Variants in PRAG1 observed in about 807,000 individuals in gnomAD.
The protein encoded by PRAG1 is inactive tyrosine-protein kinase PRAG1.
A neutral mutation model predicts 95.6 loss-of-function variants in PRAG1; 110 were observed. That is an observed-to-expected ratio of 1.15 (90% CI 0.99 to 1.35). The LOEUF (loss-of-function observed/expected upper bound fraction) is 1.35. Among genes scored for constraint, PRAG1 ranks in the 40% most tolerant of loss-of-function variants. PRAG1 has a pLI of 0.00. For missense variants in PRAG1, 2,554 were observed against 1,864.7 expected (o/e 1.37, Z -6.81); for synonymous variants, 1,052 against 819.4 (o/e 1.28, Z -4.85).
At position 8,318,535 on chromosome 8, in the gene PRAG1, T is replaced by C. The variant is rs371137865; in HGVS notation, c.3840A>G (p.Arg1280=). 1 of 1,613,110 alleles carries C rather than the reference T, an allele frequency of 6.2e-7. No individual in the cohort carries two copies. Among genetic ancestry groups the C allele is most frequent in the Non-Finnish European group, 8.5e-7 (1 of 1,179,884 alleles). The change falls in exon 6 of 6, where the codon AGA becomes AGG. Residue 1280 remains arginine, a synonymous_variant. Coordinates refer to ENST00000615670, the MANE Select transcript of PRAG1 (RefSeq NM_001080826.3). The surrounding 1 kb of genome is among the most constrained non-coding windows in gnomAD (Gnocchi z 4.2). ...PFEVRAQLRE[R]DYRQEDLPPL... ...GCGGCAGGTCCTCCTGCCGGTAGTCTCTCTCCCGCAGCTGGGCGCGCACCT... is the reference window on the plus strand; with the variant it reads ...GCGGCAGGTCCTCCTGCCGGTAGTCCCTCTCCCGCAGCTGGGCGCGCACCT...
intron 3 of PRAG1, among the ~76,000 whole-genome samples, chr8:8,355,735 GA>G (rs1799660601): frequency 6.6e-6 from 1 of 151,880 alleles, no homozygotes; most frequent in South Asian, 2.1e-4. Context: ...GAAACAGAAT[GA>G]AACTGAACCC....
chr8:8,330,582 G>A (rs1798789239), intron 4 of PRAG1, among the ~76,000 whole-genome samples: 2 of 152,176 alleles, frequency 1.3e-5, no homozygotes, highest in Admixed American at 6.5e-5. Context: ...AAATCAAGCA[G>A]TGGTGGTGCA....
chr8:8,320,843 G>C (rs993885674), intron 5 of PRAG1, among the ~76,000 whole-genome samples: 6 of 152,174 alleles, frequency 3.9e-5, no homozygotes, highest in African/African-American at 1.4e-4. Flanking sequence ...TTATATTGCA[G>C]CTATGCAAAG....
At chr8:8,337,805 T>C (rs753622759) in intron 4 of PRAG1, among the ~76,000 whole-genome samples, 12 of 152,152 alleles carry the variant, frequency 7.9e-5, no homozygotes, top group Non-Finnish European at 5.9e-5. Context: ...AGCATTGAAC[T>C]CACAAACCTC....
At chr8:8,334,533 G>T (rs1477126606) in intron 4 of PRAG1, among the ~76,000 whole-genome samples, 3 of 151,686 alleles carry the variant, frequency 2.0e-5, no homozygotes, top group African/African-American at 7.3e-5. Context: ...TTTTACAACT[G>T]GATGGAAAAT....
intron 4 of PRAG1, among the ~76,000 whole-genome samples, chr8:8,336,156 G>T (rs1015504123): frequency 2.0e-5 from 3 of 152,186 alleles, no homozygotes; most frequent in African/African-American, 7.2e-5. Context: ...AATGGTTTCA[G>T]TTCAACAGAG....
rs1046955244 is a variant in PRAG1 at position 8,349,429 on chromosome 8, C to T, written c.2163-9794G>A. Among the ~76,000 whole-genome samples the T allele has an allele frequency of 1.7e-3, 260 of 152,052 alleles. 3 individuals carry two copies. Among genetic ancestry groups the T allele is most frequent in the South Asian group, 4.2e-4 (2 of 4,810 alleles). On this transcript the variant is annotated intron_variant, in intron 3 of 5. Transcript: ENST00000615670. ...CTGAGTAGCTGGTACTACAGGCGCC[C>T]GCCACCTCGCCAGGCTAATTTTTTT...
chr8:8,318,153 C>G lies in PRAG1; in HGVS notation c.*1G>C. 1 of 1,610,140 alleles carries G rather than the reference C, an allele frequency of 6.2e-7. No individual in the cohort carries two copies. Among genetic ancestry groups the G allele is most frequent in the East Asian group, 2.2e-5 (1 of 44,838 alleles). On this transcript the variant is annotated 3_prime_UTR_variant, in exon 6 of 6. Coordinates refer to ENST00000615670, the MANE Select transcript of PRAG1 (RefSeq NM_001080826.3). The surrounding 1 kb of genome is among the most constrained non-coding windows in gnomAD (Gnocchi z 4.2). Reference sequence around the variant, plus strand: ...AGCGACGGTGCAGGCTGGGGCTTGGCTCACAGAAGCTGCAGGAGCTTCAGC... The same window carrying G: ...AGCGACGGTGCAGGCTGGGGCTTGGGTCACAGAAGCTGCAGGAGCTTCAGC...
intron 3 of PRAG1, among the ~76,000 whole-genome samples, chr8:8,363,402 T>A (rs1388393833): frequency 6.6e-6 from 1 of 152,172 alleles, no homozygotes; most frequent in East Asian, 1.9e-4. Flanking sequence ...GGAAGGAAAT[T>A]CTGACACATG....
intron 3 of PRAG1, among the ~76,000 whole-genome samples, chr8:8,375,455 C>T (rs1800354943): frequency 6.6e-6 from 1 of 152,098 alleles, no homozygotes; most frequent in South Asian, 2.1e-4. Flanking sequence ...CCGCCTCGGC[C>T]TCCCAAAGTG....
At position 8,376,788 on chromosome 8, in the gene PRAG1, T is replaced by C. The variant is rs1585277442; in HGVS notation, c.1621A>G (p.Arg541Gly). Residue 541 changes from arginine to glycine, a missense_variant, in exon 3 of 6, where the codon AGG becomes GGG. Arg to Gly is a moderately radical substitution (Grantham distance 125, BLOSUM62 -2). Coordinates refer to ENST00000615670, the MANE Select transcript of PRAG1 (RefSeq NM_001080826.3). ...HSASESKPKE[R>G]PAIPPKLSKS... Reference sequence around the variant, plus strand: ...GACAACTTGGGGGGAATGGCGGGCCTCTCCTTGGGCTTGCTCTCGCTGGCA... The same window carrying C: ...GACAACTTGGGGGGAATGGCGGGCCCCTCCTTGGGCTTGCTCTCGCTGGCA... 1 of 1,611,064 alleles carries C rather than the reference T, an allele frequency of 6.2e-7. No individual in the cohort carries two copies. The highest frequency in any genetic ancestry group is 8.5e-7 in the Non-Finnish European group (1 of 1,179,832).
chr8:8,355,462 C>T (rs1255774965), intron 3 of PRAG1, among the ~76,000 whole-genome samples: 1 of 151,918 alleles, frequency 6.6e-6, no homozygotes, highest in African/African-American at 2.4e-5. Flanking sequence ...ATAGTCAAAG[C>T]AATATTGAGA....
Position 8,377,730 on chromosome 8 carries a change from G to C in PRAG1, c.679C>G (p.Pro227Ala), listed in dbSNP as rs774855055. 10 of 1,613,916 alleles carry C rather than the reference G, an allele frequency of 6.2e-6. No individual in the cohort carries two copies. The highest frequency in any genetic ancestry group is 1.7e-5 in the Admixed American group (1 of 60,006). The stretch of plus-strand genomic sequence containing the variant: ...TCCGAGGGCAGGGATTCCCGCAGGG[G>C]CCCAGGGCCCTGGTGACAGCCAGAT... ...TTSGCHQGPG[P>A]LRESLPSEDD... Residue 227 changes from proline (P) to alanine (A), a missense_variant, in exon 3 of 6, where the codon CCC becomes GCC. Transcript: ENST00000615670.
chr8:8,378,613 A>G (rs912615224), intron 2 of PRAG1, among the ~76,000 whole-genome samples: 1 of 152,164 alleles, frequency 6.6e-6, no homozygotes, highest in Non-Finnish European at 1.5e-5. Context: ...TAATCCCAGC[A>G]CTATGGTGGG....
intron 3 of PRAG1, among the ~76,000 whole-genome samples, chr8:8,341,098 G>A (rs28566645): frequency 0.024 from 3,579 of 152,264 alleles, 133 homozygotes; most frequent in African/African-American, 0.081. Context: ...CAGTCTAGGA[G>A]AGAAGCCAGA....
chr8:8,319,800 T>C (rs979187651), intron 5 of PRAG1, among the ~76,000 whole-genome samples: 4 of 152,062 alleles, frequency 2.6e-5, no homozygotes, highest in African/African-American at 7.2e-5. Flanking sequence ...GAATAGGTAA[T>C]TCACCAAAAA....
In PRAG1 at chr8:8,377,128, G is replaced by C. The variant is rs760475955; in HGVS notation, c.1281C>G (p.Ser427=). The change falls in exon 3 of 6, where the codon TCC becomes TCG. Residue 427 remains serine, a synonymous_variant. Coordinates refer to ENST00000615670, the MANE Select transcript of PRAG1 (RefSeq NM_001080826.3). The part of the protein sequence containing the change: ...TKRKKAAPVP[S]KSQAKIEHAA... ...CATGTTCTATCTTGGCCTGTGACTT[G>C]GAAGGCACCGGAGCTGCCTTCTTCC... The C allele has an allele frequency of 1.9e-6, 3 of 1,612,774 alleles. No homozygotes were observed. Among genetic ancestry groups the C allele is most frequent in the South Asian group, 2.2e-5 (2 of 91,080 alleles).
At chr8:8,357,308 TAAAC>T (rs1799712612) in intron 3 of PRAG1, among the ~76,000 whole-genome samples, 1 of 151,874 alleles carries the variant, frequency 6.6e-6, no homozygotes, top group African/African-American at 2.4e-5. Context: ...ATATCCAAAA[TAAAC>T]AAACAACACT....
At chr8:8,373,097 T>A (rs938064667) in intron 3 of PRAG1, among the ~76,000 whole-genome samples, 2 of 152,200 alleles carry the variant, frequency 1.3e-5, no homozygotes, top group African/African-American at 4.8e-5. Context: ...TCTTCCATTT[T>A]GGAAAACTGA....
Sources: allele counts gnomAD v4.1 joint callset (sites outside exome capture counted in the v4.1 genomes callset), GRCh38; gene constraint gnomAD v4.1.1; non-coding constraint Gnocchi (gnomAD v3.1); transcripts MANE v1.5; gene names NCBI Gene and HGNC (gene_info 2026-07-23, HGNC 2026-07-21).